The following RAB37 variants were observed in gnomAD, a reference collection of about 807,000 sequenced individuals.
RAB37 encodes ras-related protein Rab-37.
In RAB37, 29 loss-of-function variants were observed where a neutral mutation model predicts 33.1. The observed-to-expected ratio is 0.88, with a 90% confidence interval of 0.65 to 1.20. The LOEUF (loss-of-function observed/expected upper bound fraction) is 1.20, where lower values mean the gene tolerates loss of function less well. Ranked by LOEUF, RAB37 falls within the 50% of genes most tolerant of loss-of-function variation. The probability of loss-of-function intolerance (pLI) is 0.00; values close to 1 mark genes in which losing one functional copy is unlikely to be tolerated. For missense variants in RAB37, 299 were observed against 301.1 expected (o/e 0.99, Z 0.05); for synonymous variants, 128 against 119.5 (o/e 1.07, Z -0.47).
chr17:74,671,746 C>A lies in RAB37; in HGVS notation c.72+88C>A. The A allele has an allele frequency of 8.6e-7, 1 of 1,160,588 alleles. No homozygotes were observed. Among genetic ancestry groups the A allele is most frequent in the Non-Finnish European group, 1.3e-6 (1 of 778,106 alleles). 71.9% of individuals were successfully genotyped at this position (1,160,588 alleles called of 1,614,324 possible). A position where few individuals can be genotyped will look rare whatever the true frequency, so the allele number is the denominator to read the frequency against. On this transcript the variant is annotated intron_variant, in intron 1 of 7. Transcript: ENST00000340415. This position sits in a 1 kb window ranked among gnomAD's most constrained non-coding sequence, Gnocchi z 5.0. ...CCACTCCCCTGACTTTGCTTTGGGACTTAATGAGAAACTAGCTTGTATCTG... is the reference window on the plus strand; with the variant it reads ...CCACTCCCCTGACTTTGCTTTGGGAATTAATGAGAAACTAGCTTGTATCTG...
rs920024515 is a variant in RAB37 at position 74,685,104 on chromosome 17, T to TA, written c.72+13461dup. 1.0e-2 allele frequency among the ~76,000 whole-genome samples: 1,389 copies of TA among 138,946 alleles called. 9 individuals are homozygous for TA. The highest frequency in any genetic ancestry group is 0.03 in the East Asian group (146 of 4,866). The allele number at this position is 138,946 out of a possible 152,430, so 91.2% of individuals were successfully genotyped here. Reference sequence around the variant, plus strand: ...TTTACTAAATGCTAACATTTTGCCTTAAAAAAAAAAAAAAAGAAGGCTCCT... The same window carrying TA: ...TTTACTAAATGCTAACATTTTGCCTTAAAAAAAAAAAAAAAAGAAGGCTCCT... On this transcript the variant is annotated intron_variant, in intron 1 of 7. Coordinates refer to the RAB37 transcript ENST00000340415.
In RAB37 at chr17:74,681,165, G is replaced by A. The variant is rs564314650; in HGVS notation, c.72+9507G>A. 6.6e-5 allele frequency among the ~76,000 whole-genome samples: 10 copies of A among 152,366 alleles called. No individual in the cohort carries two copies. In the South Asian group the frequency reaches 1.5e-3, roughly 22 times the overall value. ...ATCTGACTGCAGCTCAGTGTGCCAC[G>A]TGGACCTTGGTGCCCATGAAGGTCA... On this transcript the variant is annotated intron_variant, in intron 1 of 7. Coordinates refer to the RAB37 transcript ENST00000340415.
At chr17:74,708,808 C>T (rs1598277945) in intron 1 of RAB37, among the ~76,000 whole-genome samples, 1 of 147,952 alleles carries the variant, frequency 6.8e-6, no homozygotes, top group South Asian at 2.2e-4. Flanking sequence ...CCCAGCTACT[C>T]GGAGGCTGAG....
At chr17:74,741,108 C>T (rs1315855202) in intron 2 of RAB37, among the ~76,000 whole-genome samples, 1 of 152,092 alleles carries the variant, frequency 6.6e-6, no homozygotes, top group Non-Finnish European at 1.5e-5. Context: ...ACTGAGTCTT[C>T]GATTCCAGCT....
chr17:74,671,256 G>A lies in RAB37; in HGVS notation c.-331G>A, dbSNP rs1598171536. ...ATGAAATACGCAGGGATCACCAGCCGGACCCAAATCTTGCGTCCCTGCCAG... is the reference window on the plus strand; with the variant it reads ...ATGAAATACGCAGGGATCACCAGCCAGACCCAAATCTTGCGTCCCTGCCAG... On this transcript the variant is annotated 5_prime_UTR_variant, in exon 1 of 8. Transcript: ENST00000340415. This position sits in a 1 kb window ranked among gnomAD's most constrained non-coding sequence, Gnocchi z 5.0. 1.3e-5 allele frequency: 4 copies of A among 301,222 alleles called. No individual in the cohort carries two copies. The East Asian group carries it at 2.3e-4, about 18-fold the overall frequency. 18.7% of individuals were successfully genotyped at this position (301,222 alleles called of 1,614,324 possible).
chr17:74,681,953 C>T (rs2031963719), intron 1 of RAB37, among the ~76,000 whole-genome samples: 3 of 152,252 alleles, frequency 2.0e-5, no homozygotes, highest in Non-Finnish European at 2.9e-5. Context: ...GGAGGCAGCT[C>T]ATTAGCAGAG....
rs1567810486 is a variant in RAB37 at position 74,730,140 on chromosome 17, T to C, written c.183+774T>C. On this transcript the variant is annotated intron_variant, in intron 2 of 7. Transcript: ENST00000340415. This position sits in a 1 kb window ranked among gnomAD's most constrained non-coding sequence, Gnocchi z 4.4. Reference sequence around the variant, plus strand: ...CTGCCCTTGAATTCCTGGGAAGACCTTGGGAGAGGGTTCCACTCCTCTCTC... The same window carrying C: ...CTGCCCTTGAATTCCTGGGAAGACCCTGGGAGAGGGTTCCACTCCTCTCTC... Among the ~76,000 whole-genome samples, 1 of 152,116 alleles carries C rather than the reference T, an allele frequency of 6.6e-6. No homozygotes were observed. The highest frequency in any genetic ancestry group is 1.5e-5 in the Non-Finnish European group (1 of 68,010).
chr17:74,710,900 C>T (rs1039085595), intron 1 of RAB37, among the ~76,000 whole-genome samples: 1 of 151,804 alleles, frequency 6.6e-6, no homozygotes, highest in Non-Finnish European at 1.5e-5. Flanking sequence ...TCTTGCCAGG[C>T]ACGGTGGCTC....
upstream of RAB37, among the ~76,000 whole-genome samples, chr17:74,734,903 G>GAGGAAGGA (rs558514478): frequency 6.8e-6 from 1 of 146,504 alleles, no homozygotes; most frequent in Non-Finnish European, 1.5e-5. Flanking sequence ...GAAAGAGAGA[G>GAGGAAGGA]AGGAAGGAAG....
At chr17:74,732,142 C>G (rs531266695) in intron 2 of RAB37, among the ~76,000 whole-genome samples, 10 of 152,306 alleles carry the variant, frequency 6.6e-5, no homozygotes, top group Admixed American at 3.3e-4. Flanking sequence ...ACAGTTTAGA[C>G]CAGTGGTTTT....
chr17:74,703,026 C>G, intron 1 of RAB37: 1 of 1,609,412 alleles, frequency 6.2e-7, no homozygotes, highest in South Asian at 1.1e-5. Flanking sequence ...GGAACCAGAG[C>G]TGGCTTACCT....
At chr17:74,708,285 T>A (rs1056908660) in intron 1 of RAB37, among the ~76,000 whole-genome samples, 3 of 152,194 alleles carry the variant, frequency 2.0e-5, no homozygotes, top group African/African-American at 7.2e-5. Context: ...TGTTTAAAAC[T>A]TCCGCCAGAA....
intron 1 of RAB37, among the ~76,000 whole-genome samples, chr17:74,707,267 G>A (rs2033596375): frequency 6.6e-6 from 1 of 152,098 alleles, no homozygotes; most frequent in Non-Finnish European, 1.5e-5. Context: ...AAATACATAA[G>A]GAACTCAAAC....
At chr17:74,737,702 G>A (rs2034514452) in intron 1 of RAB37, among the ~76,000 whole-genome samples, 1 of 152,226 alleles carries the variant, frequency 6.6e-6, no homozygotes, top group Admixed American at 6.5e-5. Context: ...GCTGGGAAGG[G>A]CTGGGAGATG....
chr17:74,704,331 C>G (rs537499773), intron 1 of RAB37: 3 of 640,192 alleles, frequency 4.7e-6, no homozygotes, highest in African/African-American at 1.8e-5. Flanking sequence ...CCTGCTCCCC[C>G]AGTCCCAGGT....
rs565482295 is a variant in RAB37 at position 74,675,852 on chromosome 17, G to A, written c.72+4194G>A. 5.3e-4 allele frequency among the ~76,000 whole-genome samples: 81 copies of A among 152,306 alleles called. 1 individual carries two copies. In the South Asian group the frequency reaches 6.0e-3, roughly 11 times the overall value. ...CCCAAGTAACTCTTAGAAGATTCCC[G>A]TAGGGTGGGCTGGAAGCTGGGAACT... On this transcript the variant is annotated intron_variant, in intron 1 of 7. Transcript: ENST00000340415.
At chr17:74,697,189 C>A (rs2032569202) in intron 1 of RAB37, among the ~76,000 whole-genome samples, 1 of 152,142 alleles carries the variant, frequency 6.6e-6, no homozygotes, top group South Asian at 2.1e-4. Flanking sequence ...AGTGATCCAC[C>A]CGCCTCAACC....
intron 1 of RAB37, among the ~76,000 whole-genome samples, chr17:74,684,756 C>T (rs1486410124): frequency 6.6e-6 from 1 of 152,032 alleles, no homozygotes; most frequent in Non-Finnish European, 1.5e-5. Flanking sequence ...TGCCACTGCA[C>T]TCGAGCCTGG....
At position 74,676,977 on chromosome 17, in the gene RAB37, T is replaced by C. The variant is rs1362293061; in HGVS notation, c.72+5319T>C. ...ACCAGCTTGGCCAACATGGTGAAAC[T>C]CGTCTCTACTAAAAATACAAAAATT... On this transcript the variant is annotated intron_variant, in intron 1 of 7. Transcript: ENST00000340415. The surrounding 1 kb of genome is among the most constrained non-coding windows in gnomAD (Gnocchi z 4.1). Among the ~76,000 whole-genome samples, 1 of 151,856 alleles carries C rather than the reference T, an allele frequency of 6.6e-6. No individual in the cohort carries two copies. The highest frequency in any genetic ancestry group is 1.5e-5 in the Non-Finnish European group (1 of 67,964).
Sources: gnomAD v4.1 joint callset for allele counts (sites outside exome capture counted in the v4.1 genomes callset) on GRCh38, gnomAD v4.1.1 for gene constraint, Gnocchi (gnomAD v3.1) non-coding constraint, MANE v1.5 for transcripts, NCBI Gene and HGNC (gene_info 2026-07-23, HGNC 2026-07-21) for gene names.